Variants in PTBP2 observed in about 807,000 individuals in gnomAD.
PTBP2 encodes polypyrimidine tract-binding protein 2.
Under a neutral mutation model 61.4 loss-of-function variants are expected in PTBP2, and 13 were observed. The observed-to-expected ratio is 0.21, with a 90% CI of 0.14 to 0.34. The LOEUF (loss-of-function observed/expected upper bound fraction) is 0.34, where lower values mean the gene tolerates loss of function less well. PTBP2 is among the 10% of genes least tolerant of loss of function. The probability of loss-of-function intolerance (pLI) is 1.00; values close to 1 mark genes in which losing one functional copy is unlikely to be tolerated. For synonymous variants in PTBP2, 215 were observed against 218.5 expected (o/e 0.98, Z 0.14); for missense variants, 405 against 642.6 (o/e 0.63, Z 4.00).
At chr1:96,754,155 C>T (rs1447353434) in intron 3 of PTBP2, among the ~76,000 whole-genome samples, 5 of 151,592 alleles carry the variant, frequency 3.3e-5, no homozygotes, top group Admixed American at 3.3e-4. Context: ...TAAACAGCTG[C>T]GAAAAAAACG....
intron 9 of PTBP2, 95 bp downstream of exon 9, chr1:96,805,034 A>C: frequency 1.0e-6 from 1 of 961,976 alleles, no homozygotes; most frequent in Non-Finnish European, 1.5e-6. Flanking sequence ...CTTTCTTTTT[A>C]TGTACATTCA....
intron 3 of PTBP2, among the ~76,000 whole-genome samples, chr1:96,762,748 G>A (rs1656125288): frequency 6.6e-6 from 1 of 151,982 alleles, no homozygotes; most frequent in South Asian, 2.1e-4. Context: ...CAGACGGGGT[G>A]ACTGCCGGGC....
intron 8 of PTBP2, among the ~76,000 whole-genome samples, chr1:96,796,776 T>C (rs1258332231): frequency 2.0e-5 from 3 of 150,632 alleles, no homozygotes; most frequent in African/African-American, 7.3e-5. Flanking sequence ...CTTGACTCTA[T>C]GGTAAAGTCA....
intron 8 of PTBP2, among the ~76,000 whole-genome samples, chr1:96,791,244 T>C (rs760377613): frequency 2.6e-5 from 4 of 152,222 alleles, no homozygotes; most frequent in Non-Finnish European, 5.9e-5. Flanking sequence ...GCTAGACAGA[T>C]TGCAAATTAG....
chr1:96,754,991 GA>G (rs1654997718), intron 3 of PTBP2, among the ~76,000 whole-genome samples: 1 of 152,232 alleles, frequency 6.6e-6, no homozygotes, highest in South Asian at 2.1e-4. Context: ...TTAAAAAATG[GA>G]ATTTGACATC....
chr1:96,785,275 AC>A, intron 8 of PTBP2, 21 bp downstream of exon 8: 1 of 1,515,612 alleles, frequency 6.6e-7, no homozygotes, highest in Non-Finnish European at 8.8e-7. Context: ...TATTGTCTTA[AC>A]CACTTTTCTC....
intron 2 of PTBP2, among the ~76,000 whole-genome samples, chr1:96,744,171 C>A (rs1653432951): frequency 6.6e-6 from 1 of 152,014 alleles, no homozygotes; most frequent in South Asian, 2.1e-4. Flanking sequence ...TTGCAGCGAG[C>A]CGAGATTGCG....
intron 8 of PTBP2, among the ~76,000 whole-genome samples, chr1:96,795,178 A>T (rs886168749): frequency 2.0e-5 from 3 of 152,220 alleles, no homozygotes; most frequent in African/African-American, 7.2e-5. Flanking sequence ...AGTTTTAAGA[A>T]ACTGACTGTG....
chr1:96,807,514 C>T (rs545540346), intron 11 of PTBP2, among the ~76,000 whole-genome samples: 2 of 152,256 alleles, frequency 1.3e-5, no homozygotes, highest in South Asian at 2.1e-4. Context: ...CATACATCCT[C>T]GAATACATAA....
At chr1:96,779,592 T>G (rs981127922) in intron 7 of PTBP2, among the ~76,000 whole-genome samples, 1 of 152,100 alleles carries the variant, frequency 6.6e-6, no homozygotes, top group African/African-American at 2.4e-5. Context: ...AACTATGATA[T>G]TGATGTTTGT....
intron 1 of PTBP2, among the ~76,000 whole-genome samples, chr1:96,722,535 GA>G (rs375895314): frequency 6.6e-6 from 1 of 151,254 alleles, no homozygotes. Context: ...CGGGAGGGAG[GA>G]AAAAATGCCT....
intron 5 of PTBP2, among the ~76,000 whole-genome samples, chr1:96,774,157 G>A (rs377247961): frequency 2.0e-5 from 3 of 151,652 alleles, no homozygotes; most frequent in African/African-American, 7.3e-5. Context: ...GTTCCTTTAA[G>A]GGAGATTTGT....
intron 5 of PTBP2, among the ~76,000 whole-genome samples, chr1:96,771,698 C>T (rs1657399828): frequency 6.6e-6 from 1 of 151,942 alleles, no homozygotes; most frequent in East Asian, 1.9e-4. Flanking sequence ...AATATCTGCT[C>T]TTCTTTCTTT....
intron 2 of PTBP2, among the ~76,000 whole-genome samples, chr1:96,728,971 A>AT (rs1650984343): frequency 6.6e-6 from 1 of 152,162 alleles, no homozygotes; most frequent in South Asian, 2.1e-4. Flanking sequence ...CATATTGCTC[A>AT]TATGTTCTGA....
At chr1:96,778,878 A>C (rs1393194718) in intron 7 of PTBP2, among the ~76,000 whole-genome samples, 1 of 152,066 alleles carries the variant, frequency 6.6e-6, no homozygotes, top group Non-Finnish European at 1.5e-5. Flanking sequence ...GAGCAAAATT[A>C]GTTGTAGGTA....
rs181550648 is a variant in PTBP2 at position 96,803,496 on chromosome 1, A to G, written c.905-1304A>G. 5.9e-5 allele frequency among the ~76,000 whole-genome samples: 9 copies of G among 152,260 alleles called. No homozygotes were observed. In the East Asian group the frequency reaches 1.4e-3, roughly 23 times the overall value. ...TCATCAAGAGCAAGAGTATTAAATG[A>G]GAAACATATGCCACTGACAGAGTTC... On this transcript the variant is annotated intron_variant, in intron 8 of 13. Coordinates refer to ENST00000674951, the MANE Select transcript of PTBP2 (RefSeq NM_021190.4).
chr1:96,725,952 G>C lies in PTBP2; in HGVS notation c.39+2358G>C, dbSNP rs528567463. On this transcript the variant is annotated intron_variant, in intron 2 of 13. Coordinates refer to ENST00000674951, the MANE Select transcript of PTBP2 (RefSeq NM_021190.4). ...TAGCCGGGTGTGGTGACGGGTGCCTGTAGTCCCAGCTACTCGGGAGGCTGA... is the reference window on the plus strand; with the variant it reads ...TAGCCGGGTGTGGTGACGGGTGCCTCTAGTCCCAGCTACTCGGGAGGCTGA... Among the ~76,000 whole-genome samples, 515 of 151,314 alleles carry C rather than the reference G, an allele frequency of 3.4e-3. 1 individual carries two copies. Among genetic ancestry groups the C allele is most frequent in the Non-Finnish European group, 6.0e-3 (407 of 67,830 alleles).
chr1:96,791,850 G>GA (rs1480119937), intron 8 of PTBP2, among the ~76,000 whole-genome samples: 111 of 10,996 alleles, frequency 0.01, 1 homozygote, highest in Non-Finnish European at 0.013. Context: ...TTTTTTTTTT[G>GA]AGATAGAGTC....
chr1:96,744,159 G>A (rs1653429691), intron 2 of PTBP2, among the ~76,000 whole-genome samples: 3 of 152,234 alleles, frequency 2.0e-5, no homozygotes, highest in South Asian at 4.1e-4. Flanking sequence ...GGGAGACAGA[G>A]GTTGCAGCGA....
Sources: gnomAD v4.1 joint callset for allele counts (sites outside exome capture counted in the v4.1 genomes callset) on GRCh38, gnomAD v4.1.1 for gene constraint, MANE v1.5 for transcripts, NCBI Gene and HGNC (gene_info 2026-07-23, HGNC 2026-07-21) for gene names.